The following GTF3C3 variants were observed in gnomAD, a reference collection of about 807,000 sequenced individuals.
GTF3C3 encodes the protein general transcription factor IIIC subunit 3.
Under a neutral mutation model 105.2 loss-of-function variants are expected in GTF3C3, and 75 were observed. The ratio of observed to expected loss-of-function variants is 0.71; its 90% CI spans 0.59 to 0.86. GTF3C3 has a LOEUF of 0.86. GTF3C3 is among the 40% of genes least tolerant of loss of function. GTF3C3 has a pLI of 0.00. For synonymous variants in GTF3C3, 335 were observed against 370.4 expected (o/e 0.90, Z 1.10); for missense variants, 856 against 1,076.5 (o/e 0.80, Z 2.87).
intron 17 of GTF3C3, 84 bp from the exon 18 acceptor site, chr2:196,764,769 T>TGTAA (rs761612234): frequency 5.8e-5 from 73 of 1,249,530 alleles, no homozygotes; most frequent in East Asian, 1.2e-4. Flanking sequence ...GTTTTATAAG[T>TGTAA]GTAAGTAAGT....
At chr2:196,790,937 T>C (rs954307267) in intron 4 of GTF3C3, among the ~76,000 whole-genome samples, 14 of 152,048 alleles carry the variant, frequency 9.2e-5, no homozygotes, top group African/African-American at 3.4e-4. Context: ...GATACACCAT[T>C]TAACTGAGAG....
chr2:196,789,785 G>T, intron 5 of GTF3C3, 94 bp downstream of exon 5: 1 of 743,262 alleles, frequency 1.3e-6, no homozygotes, highest in Non-Finnish European at 2.1e-6. Context: ...ATTTATCTCA[G>T]CCAATATCAC....
Position 196,765,897 on chromosome 2 carries a change from C to T in GTF3C3, c.2538+668G>A, listed in dbSNP as rs562542515. On this transcript the variant is annotated intron_variant, in intron 17 of 17. Coordinates refer to ENST00000263956, the MANE Select transcript of GTF3C3 (RefSeq NM_012086.5). The stretch of plus-strand genomic sequence containing the variant: ...TGGTGGCAGGCACCTGTAGTCCCAG[C>T]TACTCAGGAGGCTGAGGCAGGAGAA... 4.0e-5 allele frequency among the ~76,000 whole-genome samples: 6 copies of T among 151,016 alleles called. No individual in the cohort carries two copies. In the East Asian group the frequency reaches 1.2e-3, roughly 30 times the overall value.
rs1699009110 is a variant in GTF3C3, at chr2:196,763,669, C to T, written c.*894G>A. ...GCTGGGTGTTACTAACCCATGTGCA[C>T]ATTAATTACAGCATTTATTTTTCCC... On this transcript the variant is annotated 3_prime_UTR_variant, in exon 18 of 18. Transcript: ENST00000263956. The T allele has an allele frequency of 6.6e-6, 1 of 152,120 alleles. No homozygotes were observed. The highest frequency in any genetic ancestry group is 2.1e-4 in the South Asian group (1 of 4,830). The allele number at this position is 152,120 out of a possible 1,614,324, so 9.4% of individuals were successfully genotyped here.
At position 196,776,560 on chromosome 2, in the gene GTF3C3, G is replaced by A; in HGVS notation, c.1460C>T (p.Pro487Leu). The change falls in exon 11 of 18, where the codon CCA becomes CTA. Residue 487 changes from proline to leucine, a missense_variant. By Grantham distance (98) the Pro-to-Leu change is moderately conservative. Coordinates refer to ENST00000263956, the MANE Select transcript of GTF3C3 (RefSeq NM_012086.5). This position sits in a 1 kb window ranked among gnomAD's most constrained non-coding sequence, Gnocchi z 4.5. The stretch of plus-strand genomic sequence containing the variant: ...TGAAATCCTTGCATCCAAATGGAGT[G>A]GGGCCAGATCAACCACCTTGCCATA... ...ESYGKVVDLAPLHLDARISLS... is the reference protein window; with the variant it reads ...ESYGKVVDLALLHLDARISLS... The A allele has an allele frequency of 1.2e-6, 2 of 1,614,050 alleles. No individual in the cohort carries two copies. Among genetic ancestry groups the A allele is most frequent in the Non-Finnish European group, 1.7e-6 (2 of 1,179,938 alleles).
At chr2:196,779,131 T>A (rs1699304486) in intron 9 of GTF3C3, 64 bp from the exon 10 acceptor site, 113 of 203,182 alleles carry the variant, frequency 5.6e-4, no homozygotes, top group Non-Finnish European at 9.0e-4. Flanking sequence ...TATCTATAGC[T>A]TTTTTTTTTT....
chr2:196,796,764 C>T (rs546686020), intron 2 of GTF3C3, among the ~76,000 whole-genome samples: 8 of 152,266 alleles, frequency 5.3e-5, no homozygotes, highest in South Asian at 2.1e-4. Context: ...TGAGAACATG[C>T]GGTGTTTGGT....
chr2:196,774,523 A>C (rs1313466649), intron 13 of GTF3C3, among the ~76,000 whole-genome samples: 1 of 152,212 alleles, frequency 6.6e-6, no homozygotes, highest in Admixed American at 6.5e-5. Flanking sequence ...TTTACAAAAC[A>C]AAACAACAAA....
chr2:196,768,530 G>T (rs1488393587), intron 16 of GTF3C3, among the ~76,000 whole-genome samples: 1 of 151,886 alleles, frequency 6.6e-6, no homozygotes, highest in East Asian at 1.9e-4. Flanking sequence ...AATTTTTTTA[G>T]GTAGTATAAT....
chr2:196,784,498 TTTAAG>T (rs1255552967), intron 8 of GTF3C3, among the ~76,000 whole-genome samples: 1 of 152,166 alleles, frequency 6.6e-6, no homozygotes, highest in Admixed American at 6.5e-5. Context: ...AGTCAAATGT[TTTAAG>T]TAAGAGCATT....
chr2:196,775,158 A>G lies in GTF3C3; in HGVS notation c.1789T>C (p.Ser597Pro), dbSNP rs1260338486. The change falls in exon 13 of 18, where the codon TCA (serine) becomes CCA (proline). Residue 597 changes from serine to proline, a missense_variant. Coordinates refer to ENST00000263956, the MANE Select transcript of GTF3C3 (RefSeq NM_012086.5). ...YLIKVSRDKI[S>P]DSNDQESANC... ...GCTGACTCTTGGTCATTGCTGTCTG[A>G]TATTTTGTCTCTCGATACTTTAATA... is the stretch of plus-strand genomic sequence containing the variant. 1.2e-6 allele frequency: 2 copies of G among 1,612,932 alleles called. No homozygotes were observed. The highest frequency in any genetic ancestry group is 1.3e-5 in the African/African-American group (1 of 74,866).
At chr2:196,785,229 T>G (rs1388240418) in intron 7 of GTF3C3, among the ~76,000 whole-genome samples, 1 of 148,096 alleles carries the variant, frequency 6.8e-6, no homozygotes, top group Non-Finnish European at 1.5e-5. Flanking sequence ...AAGTACATAC[T>G]TAGCACCTGT....
In GTF3C3 at chr2:196,778,943, A is replaced by G; in HGVS notation, c.1343T>C (p.Val448Ala). 6.2e-7 allele frequency: 1 copy of G among 1,614,046 alleles called. No homozygotes were observed. Among genetic ancestry groups the G allele is most frequent in the Non-Finnish European group, 8.5e-7 (1 of 1,179,936 alleles). ...TGCAAGGTTGTATCTTTCAGAGCAAACAAGAGCACTGAGGAGGGGAAGTGC... is the reference window on the plus strand; with the variant it reads ...TGCAAGGTTGTATCTTTCAGAGCAAGCAAGAGCACTGAGGAGGGGAAGTGC... ...NSALPLLSAL[V>A]CSERYNLAVV... The change falls in exon 10 of 18, where the codon GTT becomes GCT. Residue 448 changes from valine (V) to alanine (A), a missense_variant. Physicochemically the swap from Val to Ala is moderately conservative, Grantham distance 64. Around this residue, in one of 3 missense-constraint regions of GTF3C3, gnomAD observed 605 missense variants for 833.6 expected, o/e 0.73. Transcript: ENST00000263956.
In GTF3C3 at chr2:196,776,191, A is replaced by T. The variant is rs543315175; in HGVS notation, c.1594-80T>A. On this transcript the variant is annotated intron_variant, in intron 11 of 17. Coordinates refer to ENST00000263956, the MANE Select transcript of GTF3C3 (RefSeq NM_012086.5). The surrounding 1 kb of genome is among the most constrained non-coding windows in gnomAD (Gnocchi z 4.5). ...GTTTTATTTGCATAGAAACATTTTT[A>T]AAAAAACAAACCATATTGCTTTATG... 1.8e-5 allele frequency: 15 copies of T among 832,652 alleles called. No homozygotes were observed. The highest frequency in any genetic ancestry group is 5.6e-5 in the South Asian group (3 of 53,578). The allele number at this position is 832,652 out of a possible 1,614,324, so 51.6% of individuals were successfully genotyped here. A position where few individuals can be genotyped will look rare whatever the true frequency, so the allele number is the denominator to read the frequency against.
chr2:196,775,055 T>C, intron 13 of GTF3C3, 61 bp downstream of exon 13: 1 of 1,267,670 alleles, frequency 7.9e-7, no homozygotes, highest in Non-Finnish European at 1.1e-6. Context: ...CCAGTGTTAC[T>C]TCATGAGTCT....
intron 8 of GTF3C3, among the ~76,000 whole-genome samples, chr2:196,781,911 CCTGT>C (rs769475252): frequency 6.6e-6 from 1 of 152,160 alleles, no homozygotes; most frequent in Non-Finnish European, 1.5e-5. Context: ...GCTAAAGTCA[CCTGT>C]CTGAGTAAGG....
intron 9 of GTF3C3, among the ~76,000 whole-genome samples, chr2:196,779,398 G>A (rs573543020): frequency 6.6e-6 from 1 of 152,108 alleles, no homozygotes; most frequent in Non-Finnish European, 1.5e-5. Context: ...AAAGTCTATA[G>A]CTCTCTTTTT....
Position 196,770,049 on chromosome 2 carries a change from AAGC to A in GTF3C3, c.2261-13_2261-11del, listed in dbSNP as rs1288866949. 4 of 1,510,476 alleles carry A rather than the reference AAGC, an allele frequency of 2.6e-6. No homozygotes were observed. The Admixed American group carries it at 9.7e-5, about 37-fold the overall frequency. 93.6% of individuals were successfully genotyped at this position (1,510,476 alleles called of 1,614,324 possible). The stretch of plus-strand genomic sequence containing the variant: ...GCTTGCACATACTGTCCTGGAAAAT[AAGC>A]AGTGGTGTCAGACGGTGTGACAAGA... On this transcript the variant is annotated splice_polypyrimidine_tract_variant and intron_variant, in intron 15 of 17. Coordinates refer to ENST00000263956, the MANE Select transcript of GTF3C3 (RefSeq NM_012086.5).
Position 196,776,441 on chromosome 2 carries a change from T to G in GTF3C3, c.1579A>C (p.Asn527His). 1 of 1,613,852 alleles carries G rather than the reference T, an allele frequency of 6.2e-7. No individual in the cohort carries two copies. Among genetic ancestry groups the G allele is most frequent in the Non-Finnish European group, 8.5e-7 (1 of 1,179,886 alleles). The change falls in exon 11 of 18, where the codon AAT becomes CAT. Residue 527 changes from asparagine to histidine, a missense_variant. Physicochemically the swap from Asn to His is moderately conservative, Grantham distance 68. Transcript: ENST00000263956. This position sits in a 1 kb window ranked among gnomAD's most constrained non-coding sequence, Gnocchi z 4.5. ...YDPDTLAQDA[N>H]AAQQELKLLL... Reference sequence around the variant, plus strand: ...ACATGGCCCACCTGCTGTGCAGCATTTGCATCCTGTGCTAAAGTATCTGGA... The same window carrying G: ...ACATGGCCCACCTGCTGTGCAGCATGTGCATCCTGTGCTAAAGTATCTGGA...
Sources: allele counts gnomAD v4.1 joint callset (sites outside exome capture counted in the v4.1 genomes callset), GRCh38; gene constraint gnomAD v4.1.1; regional missense constraint gnomAD v4.1.1; non-coding constraint Gnocchi (gnomAD v3.1); transcripts MANE v1.5; gene names NCBI Gene and HGNC (gene_info 2026-07-23, HGNC 2026-07-21).